MLYCD: variants seen among roughly 807,000 people sequenced by gnomAD.
MLYCD encodes the protein malonyl-CoA decarboxylase.
Under a neutral mutation model 35.8 loss-of-function variants are expected in MLYCD, and 27 were observed. That is an observed-to-expected ratio of 0.75 (90% CI 0.56 to 1.04). MLYCD has a LOEUF of 1.04. MLYCD is among the 50% of genes least tolerant of loss of function. MLYCD has a pLI of 0.00. For missense variants in MLYCD, 917 were observed against 665.1 expected, an observed-to-expected ratio of 1.38 and a Z score of -4.17; for synonymous variants, 403 against 302.4, an observed-to-expected ratio of 1.33 and a Z score of -3.45.
At chr16:83,913,755 A>T (rs1406251597) in intron 4 of MLYCD, 1 of 146,778 alleles carries the variant, frequency 6.8e-6, no homozygotes, top group Non-Finnish European at 1.5e-5. Flanking sequence ...CGGAGATTGC[A>T]GTGAGCCAAG....
rs1209425303 is a variant in MLYCD at position 83,926,132 on chromosome 16, C to A, written c.*10643C>A. ...TTCCACAGCCCCTTAAAGGCAGGGT[C>A]TTTCTGGCCACGCCTGGCCCTGGTC... On this transcript the variant is annotated 3_prime_UTR_variant, in exon 5 of 5. Transcript: ENST00000262430. 2 of 152,382 alleles carry A rather than the reference C, an allele frequency of 1.3e-5. No individual in the cohort carries two copies. The highest frequency in any genetic ancestry group is 6.5e-5 in the Admixed American group (1 of 15,288). The allele number at this position is 152,382 out of a possible 1,614,324, so 9.4% of individuals were successfully genotyped here. A position where few individuals can be genotyped will look rare whatever the true frequency, so the allele number is the denominator to read the frequency against.
Position 83,917,137 on chromosome 16 carries a change from A to G in MLYCD, c.*1648A>G, listed in dbSNP as rs111799728. 304 of 50,916 alleles carry G rather than the reference A, an allele frequency of 6.0e-3. 6 individuals carry two copies. Among genetic ancestry groups the G allele is most frequent in the Non-Finnish European group, 6.7e-3 (196 of 29,422 alleles). The allele number at this position is 50,916 out of a possible 1,614,324, so 3.2% of individuals were successfully genotyped here. A position where few individuals can be genotyped will look rare whatever the true frequency, so the allele number is the denominator to read the frequency against. ...CTGTGTGCGTGTGCACGAGCGTTCT[A>G]TGTGGATCAGTGCACGCCTGTGTGC... On this transcript the variant is annotated 3_prime_UTR_variant, in exon 5 of 5. Transcript: ENST00000262430.
chr16:83,909,715 G>A (rs1008542219), intron 3 of MLYCD, among the ~76,000 whole-genome samples: 3 of 149,932 alleles, frequency 2.0e-5, no homozygotes, highest in African/African-American at 7.4e-5. Flanking sequence ...TCCAACTCCC[G>A]GGTACAAGCA....
chr16:83,899,837 C>G (rs1906720413), intron 1 of MLYCD, among the ~76,000 whole-genome samples, 165 bp downstream of exon 1: 2 of 152,182 alleles, frequency 1.3e-5, no homozygotes, highest in African/African-American at 2.4e-5. Flanking sequence ...CCCACGCTGT[C>G]TGAGTCCTGG....
In MLYCD at chr16:83,912,243, C is replaced by G; in HGVS notation, c.824C>G (p.Ser275Ter). ...IQAIVKEHPP[S>*]ETEEKNKITA... is the part of the protein sequence containing the mutation. ...GCAATCGTGAAGGAACATCCTCCAT[C>G]AGAAACAGAAGAGAAGAACAAAATC... Residue 275 changes from serine (S) to a stop codon, truncating the protein, a stop_gained, in exon 4 of 5, where the codon TCA (serine) becomes TGA (stop). Coordinates refer to ENST00000262430, the MANE Select transcript of MLYCD (RefSeq NM_012213.3). LOFTEE classifies it high-confidence loss of function. The G allele has an allele frequency of 6.2e-7, 1 of 1,614,194 alleles. No homozygotes were observed. The highest frequency in any genetic ancestry group is 1.3e-5 in the African/African-American group (1 of 75,056).
intron 4 of MLYCD, chr16:83,912,680 C>T (rs1907222811): frequency 1.3e-5 from 5 of 394,600 alleles, no homozygotes; most frequent in South Asian, 8.5e-5. Context: ...CTCTGGATTT[C>T]ACGTGTCATC....
At position 83,915,452 on chromosome 16, in the gene MLYCD, G is replaced by A. The variant is rs1429730197; in HGVS notation, c.1445G>A (p.Ser482Asn). 1 of 1,613,188 alleles carries A rather than the reference G, an allele frequency of 6.2e-7. No individual in the cohort carries two copies. The highest frequency in any genetic ancestry group is 8.5e-7 in the Non-Finnish European group (1 of 1,180,036). ...KIIKASEQVLSLVAQFQKNSK... is the reference protein window; with the variant it reads ...KIIKASEQVLNLVAQFQKNSK... ...ATCAAAGCCTCTGAGCAGGTCCTCA[G>A]CCTAGTGGCCCAGTTTCAAAAGAAC... is the stretch of plus-strand genomic sequence containing the variant. Residue 482 changes from serine to asparagine, a missense_variant, in exon 5 of 5, where the codon AGC becomes AAC. Transcript: ENST00000262430.
intron 4 of MLYCD, 140 bp downstream of exon 4, chr16:83,912,507 A>C: frequency 8.3e-7 from 1 of 1,205,598 alleles, no homozygotes; most frequent in East Asian, 2.6e-5. Flanking sequence ...AAAAGGTGCC[A>C]GAGACCCCTT....
intron 3 of MLYCD, among the ~76,000 whole-genome samples, chr16:83,911,062 C>T (rs908766231): frequency 2.0e-4 from 31 of 152,128 alleles, no homozygotes; most frequent in African/African-American, 7.0e-4. Context: ...CTGCAACCTC[C>T]GCCTCCCGGG....
chr16:83,926,346 G>T lies in MLYCD; in HGVS notation c.*10857G>T, dbSNP rs1417170723. On this transcript the variant is annotated 3_prime_UTR_variant, in exon 5 of 5. Transcript: ENST00000262430. Reference sequence around the variant, plus strand: ...ACCCCACCCTGCACTGGGAAGGAGGGTCCCTGTCCCCGTTTGACGGGTGAC... The same window carrying T: ...ACCCCACCCTGCACTGGGAAGGAGGTTCCCTGTCCCCGTTTGACGGGTGAC... The T allele has an allele frequency of 6.6e-6, 1 of 152,470 alleles. No homozygotes were observed. The highest frequency in any genetic ancestry group is 2.4e-5 in the African/African-American group (1 of 41,478). 9.4% of individuals were successfully genotyped at this position (152,470 alleles called of 1,614,324 possible). A position where few individuals can be genotyped will look rare whatever the true frequency, so the allele number is the denominator to read the frequency against.
At chr16:83,911,711 C>G (rs779691104) in intron 3 of MLYCD, 6 of 159,362 alleles carry the variant, frequency 3.8e-5, no homozygotes, top group Non-Finnish European at 6.9e-5. Flanking sequence ...GGTATATTTC[C>G]TAAAAGAAAA....
At chr16:83,904,485 C>T (rs145605363) in intron 1 of MLYCD, among the ~76,000 whole-genome samples, 1 of 152,202 alleles carries the variant, frequency 6.6e-6, no homozygotes, top group Non-Finnish European at 1.5e-5. Flanking sequence ...TCTGTGTCAC[C>T]TAGCAAATGA....
intron 3 of MLYCD, 157 bp from the exon 4 acceptor site, chr16:83,912,061 C>G (rs1907197975): frequency 9.4e-7 from 1 of 1,064,700 alleles, no homozygotes; most frequent in Non-Finnish European, 1.4e-6. Flanking sequence ...AACAGAGCAG[C>G]TTTTAGGCTC....
chr16:83,913,960 GATA>G (rs1195878799), intron 4 of MLYCD: 1 of 152,064 alleles, frequency 6.6e-6, no homozygotes, highest in Non-Finnish European at 1.5e-5. Flanking sequence ...AATTTTAAAT[GATA>G]ATGAGAAAAT....
chr16:83,903,950 G>T (rs1906885746), intron 1 of MLYCD, among the ~76,000 whole-genome samples: 1 of 152,152 alleles, frequency 6.6e-6, no homozygotes, highest in Admixed American at 6.5e-5. Flanking sequence ...TGGCAACGTT[G>T]CCGCGTGCTG....
At chr16:83,910,412 C>T (rs568519130) in intron 3 of MLYCD, among the ~76,000 whole-genome samples, 3 of 152,134 alleles carry the variant, frequency 2.0e-5, no homozygotes, top group African/African-American at 7.2e-5. Flanking sequence ...GAGAGCCCGA[C>T]GCAGTGACTC....
At chr16:83,900,582 A>ATT (rs1156957811) in intron 1 of MLYCD, among the ~76,000 whole-genome samples, 182 of 121,006 alleles carry the variant, frequency 1.5e-3, no homozygotes, top group Middle Eastern at 5.3e-3. Context: ...TGCCCGGCTA[A>ATT]TTTTTTTTTT....
Position 83,899,204 on chromosome 16 carries a change from G to A in MLYCD, c.60G>A (p.Pro20=). ...GTCTCCTCCCGCTGCGGTTGCCCCC[G>A]CGGCCGCCCGGGCCCCGGCTGGCGA... ...ARRLLPLRLP[P]RPPGPRLASG... Residue 20 remains proline, a synonymous_variant, in exon 1 of 5, where the codon CCG becomes CCA. Transcript: ENST00000262430. 1 of 1,183,154 alleles carries A rather than the reference G, an allele frequency of 8.5e-7. No homozygotes were observed. The highest frequency in any genetic ancestry group is 1.0e-6 in the Non-Finnish European group (1 of 960,762). 73.3% of individuals were successfully genotyped at this position (1,183,154 alleles called of 1,614,324 possible).
chr16:83,907,611 A>C (rs1907026917), intron 2 of MLYCD, among the ~76,000 whole-genome samples: 2 of 152,176 alleles, frequency 1.3e-5, no homozygotes, highest in Admixed American at 6.5e-5. Context: ...TTCACATTAC[A>C]TGTTGTCCCA....
Sources: allele counts gnomAD v4.1 joint callset (sites outside exome capture counted in the v4.1 genomes callset), GRCh38; gene constraint gnomAD v4.1.1; transcripts MANE v1.5; gene names NCBI Gene and HGNC (gene_info 2026-07-23, HGNC 2026-07-21).